KCTD8: variants seen among roughly 807,000 people sequenced by gnomAD.
KCTD8 encodes potassium channel tetramerization domain containing 8, also known as BTB/POZ domain-containing protein KCTD8.
Under a neutral mutation model 31.5 loss-of-function variants are expected in KCTD8, and 27 were observed. The ratio of observed to expected loss-of-function variants is 0.86; its 90% CI spans 0.63 to 1.18. The LOEUF (loss-of-function observed/expected upper bound fraction) is 1.18. KCTD8 is among the 50% of genes most tolerant of loss of function. The pLI, the probability that KCTD8 is intolerant of heterozygous loss-of-function variation, is 0.00. For missense variants in KCTD8, 658 were observed against 647.7 expected, an observed-to-expected ratio of 1.02 and a Z score of -0.17; for synonymous variants, 290 against 280.0, an observed-to-expected ratio of 1.04 and a Z score of -0.36.
rs562672820 is a variant in KCTD8 at position 44,387,246 on chromosome 4, T to A, written c.961+60317A>T. ...AGATGACACAAACAAATAAAAAAAA[T>A]TCAATGCTCAGGGATACGAAGAACC... On this transcript the variant is annotated intron_variant, in intron 1 of 1. Coordinates refer to ENST00000360029, the MANE Select transcript of KCTD8 (RefSeq NM_198353.3). Among the ~76,000 whole-genome samples, 102 of 151,648 alleles carry A rather than the reference T, an allele frequency of 6.7e-4. 2 individuals carry two copies. Among genetic ancestry groups the A allele is most frequent in the Admixed American group, 5.7e-3 (86 of 15,164 alleles).
chr4:44,177,585 T>A (rs1029383786), intron 1 of KCTD8, among the ~76,000 whole-genome samples: 8 of 152,156 alleles, frequency 5.3e-5, no homozygotes, highest in Non-Finnish European at 8.8e-5. Context: ...ATAAACCTCA[T>A]GAGACCTGAT....
At chr4:44,331,640 G>A (rs1718592921) in intron 1 of KCTD8, among the ~76,000 whole-genome samples, 1 of 150,626 alleles carries the variant, frequency 6.6e-6, no homozygotes, top group Admixed American at 6.6e-5. Flanking sequence ...GAAGATGATA[G>A]TAATTTATAA....
At chr4:44,189,720 A>G (rs980644128) in intron 1 of KCTD8, among the ~76,000 whole-genome samples, 4 of 152,108 alleles carry the variant, frequency 2.6e-5, no homozygotes, top group African/African-American at 9.7e-5. Flanking sequence ...GAACCTGATC[A>G]TTCCTTGTCA....
chr4:44,246,751 T>G (rs547454089), intron 1 of KCTD8, among the ~76,000 whole-genome samples: 1 of 152,102 alleles, frequency 6.6e-6, no homozygotes, highest in African/African-American at 2.4e-5. Context: ...GAAAATACTC[T>G]TACTAAAATC....
Position 44,291,025 on chromosome 4 carries a change from T to C in KCTD8, c.962-115775A>G, listed in dbSNP as rs866034412. On this transcript the variant is annotated intron_variant, in intron 1 of 1. Transcript: ENST00000360029. ...CACAAAAGATCAATGAAACCTAGAG[T>C]TGGTTTTTCAAAAGAATAGACAAAA... Among the ~76,000 whole-genome samples the C allele has an allele frequency of 5.3e-5, 8 of 151,910 alleles. No individual in the cohort carries two copies. In the East Asian group the frequency reaches 1.2e-3, roughly 22 times the overall value.
At chr4:44,321,587 G>A (rs1050781151) in intron 1 of KCTD8, among the ~76,000 whole-genome samples, 1 of 152,000 alleles carries the variant, frequency 6.6e-6, no homozygotes, top group Non-Finnish European at 1.5e-5. Flanking sequence ...CACCTCAAAC[G>A]TTTATCTTTT....
At chr4:44,341,958 T>G (rs2109418984) in intron 1 of KCTD8, among the ~76,000 whole-genome samples, 1 of 152,362 alleles carries the variant, frequency 6.6e-6, no homozygotes, top group South Asian at 2.1e-4. Flanking sequence ...ATAGTAAGGC[T>G]TAAAGGTCTT....
At chr4:44,176,328 C>T (rs528809360) in intron 1 of KCTD8, among the ~76,000 whole-genome samples, 14 of 152,260 alleles carry the variant, frequency 9.2e-5, no homozygotes, top group African/African-American at 2.6e-4. Context: ...TGGAAGCATA[C>T]TGGAATCACC....
In KCTD8 at chr4:44,387,591, G is replaced by A. The variant is rs554128560; in HGVS notation, c.961+59972C>T. 2.0e-3 allele frequency among the ~76,000 whole-genome samples: 301 copies of A among 151,900 alleles called. 1 individual carries two copies. Among genetic ancestry groups the A allele is most frequent in the Admixed American group, 3.2e-3 (49 of 15,208 alleles). ...ACACACCTGTAACTATTTGATCTTTGACAAACCTGACAAAAACAAGCAATG... is the reference window on the plus strand; with the variant it reads ...ACACACCTGTAACTATTTGATCTTTAACAAACCTGACAAAAACAAGCAATG... On this transcript the variant is annotated intron_variant, in intron 1 of 1. Coordinates refer to ENST00000360029, the MANE Select transcript of KCTD8 (RefSeq NM_198353.3).
At chr4:44,356,490 A>G (rs1719345280) in intron 1 of KCTD8, among the ~76,000 whole-genome samples, 1 of 152,066 alleles carries the variant, frequency 6.6e-6, no homozygotes, top group African/African-American at 2.4e-5. Flanking sequence ...GTTTCTTTTC[A>G]TGAGCCGGAG....
At chr4:44,283,868 C>T (rs1646796572) in intron 1 of KCTD8, among the ~76,000 whole-genome samples, 1 of 152,026 alleles carries the variant, frequency 6.6e-6, no homozygotes, top group South Asian at 2.1e-4. Context: ...GAGTGAACTC[C>T]CATTCACAAT....
At chr4:44,406,987 C>T (rs748352153) in intron 1 of KCTD8, among the ~76,000 whole-genome samples, 22 of 152,158 alleles carry the variant, frequency 1.4e-4, no homozygotes, top group Non-Finnish European at 2.6e-4. Flanking sequence ...ATTTTTCTTT[C>T]TAATCATCAG....
intron 1 of KCTD8, among the ~76,000 whole-genome samples, chr4:44,254,523 C>T (rs1057504711): frequency 1.3e-5 from 2 of 151,740 alleles, no homozygotes; most frequent in African/African-American, 4.8e-5. Flanking sequence ...CTTATTATCC[C>T]ACCACCCCCA....
At chr4:44,255,334 A>C (rs557727693) in intron 1 of KCTD8, among the ~76,000 whole-genome samples, 1 of 152,034 alleles carries the variant, frequency 6.6e-6, no homozygotes, top group South Asian at 2.1e-4. Context: ...TCAAGGAGCC[A>C]GTAATATCAT....
intron 1 of KCTD8, among the ~76,000 whole-genome samples, chr4:44,375,026 A>T (rs1322243107): frequency 7.2e-5 from 11 of 152,208 alleles, no homozygotes; most frequent in Admixed American, 6.5e-4. Context: ...AAAGTGCAGT[A>T]AAACAAGGTA....
chr4:44,267,401 A>G (rs1404633730), intron 1 of KCTD8, among the ~76,000 whole-genome samples: 60 of 152,298 alleles, frequency 3.9e-4, no homozygotes, highest in African/African-American at 1.4e-3. Context: ...GGCAGTGTGT[A>G]GAGGGAAATT....
intron 1 of KCTD8, among the ~76,000 whole-genome samples, chr4:44,274,579 T>C (rs1716699728): frequency 6.6e-6 from 1 of 151,896 alleles, no homozygotes; most frequent in African/African-American, 2.4e-5. Flanking sequence ...TATATTGAAT[T>C]ATCAAATTGT....
intron 1 of KCTD8, among the ~76,000 whole-genome samples, chr4:44,412,409 A>C (rs983231409): frequency 3.3e-5 from 5 of 152,288 alleles, no homozygotes; most frequent in African/African-American, 1.2e-4. Flanking sequence ...AGAACTTCCA[A>C]GGCTATGCAG....
At chr4:44,276,255 C>A (rs34826160) in intron 1 of KCTD8, among the ~76,000 whole-genome samples, 6,636 of 152,060 alleles carry the variant, frequency 0.044, 191 homozygotes, top group Middle Eastern at 0.095. Flanking sequence ...TTTCATTCAA[C>A]TAAGTTTTAA....
Sources: gnomAD v4.1 joint callset for allele counts (sites outside exome capture counted in the v4.1 genomes callset) on GRCh38, gnomAD v4.1.1 for gene constraint, MANE v1.5 for transcripts, NCBI Gene and HGNC (gene_info 2026-07-23, HGNC 2026-07-21) for gene names.